Variants in RDX observed in about 807,000 individuals in gnomAD.
The protein encoded by RDX is deafness, autosomal recessive 24.
RDX carries 32 observed loss-of-function variants against 83.7 expected under a neutral mutation model. The ratio of observed to expected loss-of-function variants is 0.38; its 90% CI spans 0.29 to 0.51. The LOEUF (loss-of-function observed/expected upper bound fraction) is 0.51. Ranked by LOEUF, RDX falls within the 20% of genes least tolerant of loss-of-function variation. The pLI, the probability that RDX is intolerant of heterozygous loss-of-function variation, is 0.87. For missense variants in RDX, 600 were observed against 689.9 expected (o/e 0.87, Z 1.46); for synonymous variants, 229 against 222.7 (o/e 1.03, Z -0.25).
chr11:110,287,587 CAT>C (rs1461530711), intron 1 of RDX, among the ~76,000 whole-genome samples: 2 of 152,118 alleles, frequency 1.3e-5, no homozygotes, highest in East Asian at 3.8e-4. Flanking sequence ...TAAATAATGA[CAT>C]GTCATCCCGT....
At chr11:110,252,377 T>C (rs1008772658) in intron 9 of RDX, among the ~76,000 whole-genome samples, 1 of 152,082 alleles carries the variant, frequency 6.6e-6, no homozygotes, top group African/African-American at 2.4e-5. Context: ...CTATAAGCCA[T>C]GAAATAAAGG....
At chr11:110,265,845 G>C (rs922937095) in intron 3 of RDX, among the ~76,000 whole-genome samples, 2 of 152,050 alleles carry the variant, frequency 1.3e-5, no homozygotes, top group African/African-American at 4.8e-5. Flanking sequence ...CTTGTTCCCT[G>C]ATATTCCCAT....
At chr11:110,219,794 A>C (rs553831092) in intron 14 of RDX, among the ~76,000 whole-genome samples, 2 of 152,336 alleles carry the variant, frequency 1.3e-5, no homozygotes, top group Admixed American at 6.5e-5. Context: ...ATTAGATATC[A>C]AACTGGAAAT....
In RDX at chr11:110,209,227, G is replaced by A. The variant is rs549236476; in HGVS notation, c.1749-9549C>T. On this transcript the variant is annotated intron_variant, in intron 14 of 15. Transcript: ENST00000528498. ...TTTCTGAGTCAAAGAAAGGGGTGAC[G>A]GACGGCACCTGGAAAATCGGGTCAC... Among the ~76,000 whole-genome samples the A allele has an allele frequency of 6.9e-4, 105 of 151,616 alleles. 1 individual carries two copies. The highest frequency in any genetic ancestry group is 2.0e-3 in the African/African-American group (81 of 41,188).
At chr11:110,194,237 G>A (rs1863157821) in intron 15 of RDX, among the ~76,000 whole-genome samples, 1 of 152,206 alleles carries the variant, frequency 6.6e-6, no homozygotes, top group African/African-American at 2.4e-5. Flanking sequence ...TGCAAGAGCT[G>A]TTTGCCCCTG....
At chr11:110,258,599 T>C (rs7102574) in intron 5 of RDX, among the ~76,000 whole-genome samples, 60,096 of 151,878 alleles carry the variant, frequency 0.4, 12,101 homozygotes, top group East Asian at 0.61. Context: ...AGATAGCTTA[T>C]AGGAACCCAA....
chr11:110,194,010 C>G (rs2134229216), intron 15 of RDX, among the ~76,000 whole-genome samples: 1 of 152,326 alleles, frequency 6.6e-6, no homozygotes, highest in Non-Finnish European at 1.5e-5. Context: ...CAGTGCATTG[C>G]ACAGGAATTA....
downstream of RDX, among the ~76,000 whole-genome samples, chr11:110,226,132 T>C (rs1318657375): frequency 6.6e-6 from 1 of 151,444 alleles, no homozygotes; most frequent in East Asian, 1.9e-4. Flanking sequence ...TTTCTGGGTA[T>C]GTACCCCAAA....
At chr11:110,228,137 A>C (rs956032392), downstream of RDX, among the ~76,000 whole-genome samples, 2 of 152,098 alleles carry the variant, frequency 1.3e-5, no homozygotes, top group African/African-American at 4.8e-5. Flanking sequence ...AAAAATTGGG[A>C]GTTAAAATTA....
chr11:110,229,034 T>A (rs1310823608), downstream of RDX, among the ~76,000 whole-genome samples: 1 of 151,990 alleles, frequency 6.6e-6, no homozygotes, highest in Non-Finnish European at 1.5e-5. Context: ...GTAACTGTTC[T>A]ATAATACAGC....
chr11:110,261,866 T>C (rs1243831324), intron 5 of RDX, among the ~76,000 whole-genome samples: 3 of 152,178 alleles, frequency 2.0e-5, no homozygotes, highest in East Asian at 3.8e-4. Flanking sequence ...ACTGTGCTTG[T>C]GTGTTATTGT....
At chr11:110,254,202 T>C (rs1859450967) in intron 8 of RDX, 93 bp from the exon 9 acceptor site, 2 of 976,004 alleles carry the variant, frequency 2.0e-6, no homozygotes, top group Non-Finnish European at 3.2e-6. Flanking sequence ...GTATGAATTT[T>C]AATGTCATAT....
At chr11:110,176,498 C>A (rs1163740676) in intron 15 of RDX, among the ~76,000 whole-genome samples, 1 of 152,174 alleles carries the variant, frequency 6.6e-6, no homozygotes, top group Admixed American at 6.5e-5. Context: ...CCTGCTCCCC[C>A]CAGCCACGGG....
At chr11:110,193,430 C>A (rs1054197884) in intron 15 of RDX, among the ~76,000 whole-genome samples, 1 of 152,020 alleles carries the variant, frequency 6.6e-6, no homozygotes, top group Admixed American at 6.5e-5. Flanking sequence ...TGCTCACTAC[C>A]CGGGTGACAG....
In RDX at chr11:110,180,883, T is replaced by G. The variant is rs146875154; in HGVS notation, c.*32-5649A>C. On this transcript the variant is annotated intron_variant, in intron 15 of 15. Coordinates refer to the RDX transcript ENST00000528498. ...TCGGAGCTCCAGCCCCCCTCTTGGATGTGCCCCGTGTTATATTCCTCCACA... is the reference window on the plus strand; with the variant it reads ...TCGGAGCTCCAGCCCCCCTCTTGGAGGTGCCCCGTGTTATATTCCTCCACA... Among the ~76,000 whole-genome samples, 46 of 152,194 alleles carry G rather than the reference T, an allele frequency of 3.0e-4. 1 individual carries two copies. In the South Asian group the frequency reaches 4.8e-3, roughly 16 times the overall value.
At chr11:110,240,956 T>C (rs1865070053) in intron 10 of RDX, among the ~76,000 whole-genome samples, 1 of 143,772 alleles carries the variant, frequency 7.0e-6, no homozygotes, top group South Asian at 2.2e-4. Context: ...CTCAGGAGGC[T>C]GAGGCAGGAG....
At chr11:110,244,135 T>C (rs1865208359) in intron 10 of RDX, among the ~76,000 whole-genome samples, 1 of 151,792 alleles carries the variant, frequency 6.6e-6, no homozygotes, top group African/African-American at 2.4e-5. Context: ...ATAAATAAAA[T>C]ATACCATATC....
intron 14 of RDX, among the ~76,000 whole-genome samples, chr11:110,223,968 T>G: frequency 6.6e-6 from 1 of 151,896 alleles, no homozygotes; most frequent in South Asian, 2.1e-4. Context: ...GAGGTTGTGG[T>G]GAGCCGAGAT....
Position 110,230,031 on chromosome 11 carries a change from T to C in RDX, c.*1838A>G, listed in dbSNP as rs1471809643. 2.0e-5 allele frequency: 3 copies of C among 152,570 alleles called. No homozygotes were observed. Among genetic ancestry groups the C allele is most frequent in the Non-Finnish European group, 4.4e-5 (3 of 67,978 alleles). 9.5% of individuals were successfully genotyped at this position (152,570 alleles called of 1,614,324 possible). A position where few individuals can be genotyped will look rare whatever the true frequency, so the allele number is the denominator to read the frequency against. ...CAGTCACTTCAAGGTTAACCAGCTA[T>C]GTTTTGTCCTACAAAGTTCAAAAAA... On this transcript the variant is annotated 3_prime_UTR_variant, in exon 14 of 14. Coordinates refer to ENST00000645495, the MANE Select transcript of RDX (RefSeq NM_002906.4).
Sources: gnomAD v4.1 joint callset for allele counts (sites outside exome capture counted in the v4.1 genomes callset) on GRCh38, gnomAD v4.1.1 for gene constraint, MANE v1.5 for transcripts, NCBI Gene and HGNC (gene_info 2026-07-23, HGNC 2026-07-21) for gene names.